DHX9: variants seen among roughly 807,000 people sequenced by gnomAD.
DHX9 encodes DExH-box helicase 9.
Under a neutral mutation model 148.7 loss-of-function variants are expected in DHX9, and 27 were observed. That is an observed-to-expected ratio of 0.18 (90% CI 0.13 to 0.25). The LOEUF (loss-of-function observed/expected upper bound fraction) is 0.25. Ranked by LOEUF, DHX9 falls within the 10% of genes least tolerant of loss-of-function variation. The pLI, the probability that DHX9 is intolerant of heterozygous loss-of-function variation, is 1.00. For synonymous variants in DHX9, 529 were observed against 516.6 expected (o/e 1.02, Z -0.33); for missense variants, 796 against 1,559.6 (o/e 0.51, Z 8.25).
chr1:182,877,794 G>C, intron 19 of DHX9: 1 of 498,124 alleles, frequency 2.0e-6, no homozygotes, highest in Non-Finnish European at 3.5e-6. Context: ...TTTGGCCAAG[G>C]CAGTTCAGCT....
intron 4 of DHX9, 103 bp downstream of exon 4, chr1:182,852,447 T>C: frequency 1.3e-6 from 1 of 746,202 alleles, no homozygotes; most frequent in Admixed American, 3.3e-5. Context: ...CAGTAAACTC[T>C]TGATGTTAAG....
chr1:182,887,035 AAAT>A, intron 27 of DHX9, 45 bp from the exon 28 acceptor site: 1 of 1,553,648 alleles, frequency 6.4e-7, no homozygotes, highest in Non-Finnish European at 8.8e-7. Flanking sequence ...AGTCGTTGGG[AAAT>A]AATAAGAATG....
intron 3 of DHX9, among the ~76,000 whole-genome samples, chr1:182,850,394 A>G (rs1056525627): frequency 2.6e-5 from 4 of 152,128 alleles, no homozygotes; most frequent in Admixed American, 2.0e-4. Flanking sequence ...CAGAAGTTCA[A>G]GACCAGCCTC....
intron 6 of DHX9, 59 bp from the exon 7 acceptor site, chr1:182,856,473 C>G (rs1668252642): frequency 6.6e-7 from 1 of 1,507,644 alleles, no homozygotes; most frequent in Non-Finnish European, 9.2e-7. Flanking sequence ...CTTGGGAGAC[C>G]TGGATTTGCT....
intron 3 of DHX9, among the ~76,000 whole-genome samples, chr1:182,844,597 G>A (rs1667993539): frequency 6.6e-6 from 1 of 152,136 alleles, no homozygotes; most frequent in Non-Finnish European, 1.5e-5. Flanking sequence ...CTAGGGTGGA[G>A]TGCAGTGCTC....
intron 6 of DHX9, chr1:182,855,464 C>T: frequency 1.3e-6 from 1 of 760,862 alleles, no homozygotes; most frequent in Non-Finnish European, 1.6e-6. Flanking sequence ...GCATAACAGA[C>T]AGCAACACCA....
At chr1:182,870,649 T>G (rs917147674) in intron 14 of DHX9, among the ~76,000 whole-genome samples, 1 of 152,176 alleles carries the variant, frequency 6.6e-6, no homozygotes, top group East Asian at 1.9e-4. Context: ...ATCAATTCCA[T>G]ATAGATTGAG....
At chr1:182,876,759 C>A in intron 18 of DHX9, 71 bp from the exon 19 acceptor site, 1 of 1,183,548 alleles carries the variant, frequency 8.4e-7, no homozygotes. Flanking sequence ...TTGTTACATA[C>A]ATAAGCAAAT....
At chr1:182,871,876 G>A (rs1275642078) in intron 14 of DHX9, among the ~76,000 whole-genome samples, 1 of 152,010 alleles carries the variant, frequency 6.6e-6, no homozygotes, top group East Asian at 1.9e-4. Context: ...AACATGGCTC[G>A]GCTCACTGCA....
intron 12 of DHX9, among the ~76,000 whole-genome samples, chr1:182,864,463 C>G (rs1222595569): frequency 1.3e-5 from 2 of 152,136 alleles, no homozygotes; most frequent in South Asian, 2.1e-4. Context: ...GATTAAATTC[C>G]TAGACATAGA....
chr1:182,864,654 A>G (rs756911957), intron 12 of DHX9, among the ~76,000 whole-genome samples: 1 of 152,242 alleles, frequency 6.6e-6, no homozygotes, highest in African/African-American at 2.4e-5. Context: ...AGAGAAGCAT[A>G]TAAAATATGG....
intron 11 of DHX9, 24 bp from the exon 12 acceptor site, chr1:182,859,969 T>C: frequency 6.3e-7 from 1 of 1,592,844 alleles, no homozygotes; most frequent in East Asian, 2.2e-5. Flanking sequence ...GACATTTGAC[T>C]GAAGTGTGAC....
chr1:182,871,907 A>G (rs905602017), intron 14 of DHX9, among the ~76,000 whole-genome samples: 3 of 152,160 alleles, frequency 2.0e-5, no homozygotes, highest in African/African-American at 7.2e-5. Flanking sequence ...CCTGGGTTCA[A>G]GTGATTATCC....
chr1:182,877,899 A>G (rs1557977978), intron 19 of DHX9, 122 bp from the exon 20 acceptor site: 5 of 1,096,180 alleles, frequency 4.6e-6, no homozygotes, highest in Non-Finnish European at 3.9e-6. Flanking sequence ...CCATTCATGA[A>G]TAGACATCAC....
At chr1:182,886,320 C>T (rs1440975545) in intron 27 of DHX9, among the ~76,000 whole-genome samples, 5 of 151,932 alleles carry the variant, frequency 3.3e-5, no homozygotes, top group South Asian at 2.1e-4. Flanking sequence ...CTCAACCCCC[C>T]GAGCAGCTGG....
chr1:182,850,265 A>G (rs746692771), intron 3 of DHX9, among the ~76,000 whole-genome samples: 2 of 152,080 alleles, frequency 1.3e-5, no homozygotes, highest in Admixed American at 6.6e-5. Context: ...ATCTAGGCTA[A>G]ATCATCCAGC....
chr1:182,858,096 C>T lies in DHX9; in HGVS notation c.674-8C>T. On this transcript the variant is annotated splice_region_variant and splice_polypyrimidine_tract_variant and intron_variant, in intron 7 of 27. Coordinates refer to ENST00000367549, the MANE Select transcript of DHX9 (RefSeq NM_001357.5). ...TTTCTGTCTGATAATCCTGACCTTA[C>T]ATTATAGGGATTTTTGCACGAGAAC... is the stretch of plus-strand genomic sequence containing the variant. 6.2e-7 allele frequency: 1 copy of T among 1,609,632 alleles called. No homozygotes were observed. Among genetic ancestry groups the T allele is most frequent in the Non-Finnish European group, 8.5e-7 (1 of 1,178,894 alleles).
chr1:182,860,284 T>C, intron 12 of DHX9, 100 bp downstream of exon 12: 2 of 997,536 alleles, frequency 2.0e-6, no homozygotes, highest in Non-Finnish European at 1.4e-6. Flanking sequence ...TGAGAGAGCA[T>C]TGTGCCCTTG....
intron 5 of DHX9, 52 bp downstream of exon 5, chr1:182,853,470 T>TTC (rs781074425): frequency 1.5e-6 from 2 of 1,369,036 alleles, no homozygotes; most frequent in Non-Finnish European, 2.1e-6. Flanking sequence ...TGGGACTTAG[T>TTC]TAACAGCAAA....
Sources: allele counts gnomAD v4.1 joint callset (sites outside exome capture counted in the v4.1 genomes callset), GRCh38; gene constraint gnomAD v4.1.1; transcripts MANE v1.5; gene names NCBI Gene and HGNC (gene_info 2026-07-23, HGNC 2026-07-21).